The following SGCD variants were observed in gnomAD, a reference collection of about 807,000 sequenced individuals.
SGCD encodes the protein sarcoglycan delta.
Under a neutral mutation model 36.6 loss-of-function variants are expected in SGCD, and 18 were observed. The observed-to-expected ratio is 0.49, with a 90% CI of 0.34 to 0.73. SGCD has a LOEUF of 0.73. Ranked by LOEUF, SGCD falls within the 30% of genes least tolerant of loss-of-function variation. SGCD has a pLI of 0.01. For synonymous variants in SGCD, 133 were observed against 130.6 expected, an observed-to-expected ratio of 1.02 and a Z score of -0.12; for missense variants, 387 against 346.7, an observed-to-expected ratio of 1.12 and a Z score of -0.92.
intron 1 of SGCD, among the ~76,000 whole-genome samples, chr5:155,878,348 G>A (rs564428906): frequency 6.6e-6 from 1 of 151,886 alleles, no homozygotes; most frequent in African/African-American, 2.4e-5. Flanking sequence ...ATGTTGGCTT[G>A]TCCTCTTACG....
intron 7 of SGCD, among the ~76,000 whole-genome samples, chr5:156,741,160 G>T (rs1756653032): frequency 6.6e-6 from 1 of 152,090 alleles, no homozygotes; most frequent in African/African-American, 2.4e-5. Flanking sequence ...TCTAAGGATG[G>T]AAACACAATA....
chr5:156,759,484 C>A lies in SGCD; in HGVS notation c.*94C>A. On this transcript the variant is annotated 3_prime_UTR_variant, in exon 9 of 9. Transcript: ENST00000337851. ...CTATTTTTACTAGAACACAGAAAGC[C>A]TATCAAAGACCTTGTGTGTATGTGT... 1.2e-6 allele frequency: 1 copy of A among 851,918 alleles called. No homozygotes were observed. The highest frequency in any genetic ancestry group is 1.8e-6 in the Non-Finnish European group (1 of 544,766). 52.8% of individuals were successfully genotyped at this position (851,918 alleles called of 1,614,324 possible).
At chr5:156,494,387 T>C (rs1756086243) in intron 3 of SGCD, among the ~76,000 whole-genome samples, 2 of 151,630 alleles carry the variant, frequency 1.3e-5, no homozygotes, top group African/African-American at 2.4e-5. Flanking sequence ...GTTTGAACTT[T>C]TGGATTCCAA....
intron 1 of SGCD, among the ~76,000 whole-genome samples, chr5:156,069,093 A>T (rs1210642050): frequency 6.6e-6 from 1 of 152,062 alleles, no homozygotes; most frequent in Admixed American, 6.5e-5. Flanking sequence ...CTCTGATGGT[A>T]GTTTCTTTTG....
chr5:155,947,677 A>T (rs1010440697), intron 1 of SGCD, among the ~76,000 whole-genome samples: 2 of 152,070 alleles, frequency 1.3e-5, no homozygotes, highest in Admixed American at 6.6e-5. Context: ...AACGATTGCA[A>T]TCAAGGTAAG....
chr5:155,986,725 T>A (rs1015899283), intron 1 of SGCD, among the ~76,000 whole-genome samples: 4 of 152,220 alleles, frequency 2.6e-5, no homozygotes, highest in African/African-American at 4.8e-5. Context: ...GTGCCCTTTT[T>A]TTCTCAGACC....
rs768659564 is a variant in SGCD, at chr5:156,055,825, T to C, written c.-281-62053T>C. On this transcript the variant is annotated intron_variant, in intron 1 of 9. Transcript: ENST00000517913. Reference sequence around the variant, plus strand: ...GCCAGAAAGGAGTCTAAAAAGTTAATTCATCATGCAGGTAATAAAGCTTGC... The same window carrying C: ...GCCAGAAAGGAGTCTAAAAAGTTAACTCATCATGCAGGTAATAAAGCTTGC... Among the ~76,000 whole-genome samples, 4 of 145,956 alleles carry C rather than the reference T, an allele frequency of 2.7e-5. 1 individual carries two copies. The highest frequency in any genetic ancestry group is 6.2e-5 in the Non-Finnish European group (4 of 64,774).
At chr5:156,333,625 T>G (rs1301636674) in intron 2 of SGCD, among the ~76,000 whole-genome samples, 3 of 152,058 alleles carry the variant, frequency 2.0e-5, no homozygotes, top group African/African-American at 7.2e-5. Context: ...ACTTAACCAC[T>G]CTTTCTCATT....
intron 3 of SGCD, among the ~76,000 whole-genome samples, chr5:156,473,791 C>CGAAGT (rs1298340765): frequency 6.6e-6 from 1 of 152,070 alleles, no homozygotes; most frequent in Non-Finnish European, 1.5e-5. Flanking sequence ...AAGGAGCAAT[C>CGAAGT]GAAGTGATAA....
At chr5:156,363,674 A>G (rs2127733107) in intron 3 of SGCD, among the ~76,000 whole-genome samples, 1 of 152,338 alleles carries the variant, frequency 6.6e-6, no homozygotes, top group East Asian at 1.9e-4. Context: ...AGAGGTATTT[A>G]CAAAGCCATG....
intron 1 of SGCD, among the ~76,000 whole-genome samples, chr5:156,073,137 C>T (rs1255534220): frequency 6.6e-6 from 1 of 152,148 alleles, no homozygotes; most frequent in Non-Finnish European, 1.5e-5. Context: ...TTATGACCCA[C>T]CTCCCTTCTT....
At chr5:156,490,456 A>G (rs1205771391) in intron 3 of SGCD, among the ~76,000 whole-genome samples, 1 of 149,600 alleles carries the variant, frequency 6.7e-6, no homozygotes, top group Non-Finnish European at 1.5e-5. Context: ...AAAATCCTCA[A>G]CAAAATACTA....
At chr5:156,102,280 A>T (rs1254927073) in intron 1 of SGCD, among the ~76,000 whole-genome samples, 1 of 152,128 alleles carries the variant, frequency 6.6e-6, no homozygotes, top group Non-Finnish European at 1.5e-5. Flanking sequence ...TTAAAACATC[A>T]TCTGTTTTAT....
chr5:156,099,843 A>G (rs1349261536), intron 1 of SGCD, among the ~76,000 whole-genome samples: 1 of 152,158 alleles, frequency 6.6e-6, no homozygotes. Context: ...CTAAGTTTGT[A>G]GTAATTTGTC....
chr5:156,136,358 T>C (rs1234588735), intron 3 of SGCD, among the ~76,000 whole-genome samples: 1 of 152,228 alleles, frequency 6.6e-6, no homozygotes, highest in Admixed American at 6.5e-5. Flanking sequence ...AGCAGTCTCC[T>C]ACCTCGGCCT....
upstream of SGCD, among the ~76,000 whole-genome samples, chr5:155,869,351 T>G (rs944308031): frequency 6.6e-5 from 10 of 152,226 alleles, no homozygotes; most frequent in African/African-American, 2.2e-4. Flanking sequence ...CTCAGTCATT[T>G]GATGTTAACT....
intron 3 of SGCD, among the ~76,000 whole-genome samples, chr5:156,166,513 G>T (rs1429086452): frequency 1.3e-5 from 2 of 152,124 alleles, no homozygotes; most frequent in African/African-American, 4.8e-5. Context: ...GTAGAGACAG[G>T]GTTTCACCGT....
chr5:156,701,880 A>G (rs1754542171), intron 7 of SGCD, among the ~76,000 whole-genome samples: 1 of 152,224 alleles, frequency 6.6e-6, no homozygotes, highest in Non-Finnish European at 1.5e-5. Context: ...GTTTTTCTTG[A>G]GGACATTAAA....
At chr5:155,963,700 G>C (rs755987490) in intron 1 of SGCD, among the ~76,000 whole-genome samples, 8 of 151,980 alleles carry the variant, frequency 5.3e-5, no homozygotes, top group Non-Finnish European at 8.8e-5. Flanking sequence ...ACCAATAAAG[G>C]TGATTCATTA....
Sources: gnomAD v4.1 joint callset for allele counts (sites outside exome capture counted in the v4.1 genomes callset) on GRCh38, gnomAD v4.1.1 for gene constraint, MANE v1.5 for transcripts, NCBI Gene and HGNC (gene_info 2026-07-23, HGNC 2026-07-21) for gene names.